Variants in ACOT12 observed in about 807,000 individuals in gnomAD.
The protein encoded by ACOT12 is acetyl-coenzyme A thioesterase.
A neutral mutation model predicts 67.7 loss-of-function variants in ACOT12; 51 were observed. That is an observed-to-expected ratio of 0.75 (90% confidence interval 0.60 to 0.95). The LOEUF (loss-of-function observed/expected upper bound fraction) is 0.95, where lower values mean the gene tolerates loss of function less well. Among genes scored for constraint, ACOT12 ranks in the 40% least tolerant of loss-of-function variants. ACOT12 has a pLI of 0.00. For missense variants in ACOT12, 734 were observed against 708.1 expected (o/e 1.04, Z -0.41); for synonymous variants, 251 against 244.6 (o/e 1.03, Z -0.24).
At chr5:81,309,219 G>A in the ACOT12 span, 4 of 465,860 alleles carry the variant, frequency 8.6e-6, no homozygotes, top group Admixed American at 3.9e-5. Flanking sequence ...GACTTCAGAT[G>A]TTAATAAAAC....
At chr5:81,343,243 AAAAC>A (rs773252770) in intron 10 of ACOT12, among the ~76,000 whole-genome samples, 4 of 152,088 alleles carry the variant, frequency 2.6e-5, no homozygotes, top group Non-Finnish European at 5.9e-5. Flanking sequence ...AAACGAAAAA[AAAAC>A]AAACAAAAGT....
chr5:81,326,527 C>G (rs1319826498), downstream of ACOT12, among the ~76,000 whole-genome samples: 5 of 152,196 alleles, frequency 3.3e-5, no homozygotes, highest in African/African-American at 1.2e-4. Flanking sequence ...CATGACACAG[C>G]AAGCAGCATA....
intron 1 of ACOT12, among the ~76,000 whole-genome samples, chr5:81,393,504 C>T (rs1194374713): frequency 6.6e-6 from 1 of 152,080 alleles, no homozygotes; most frequent in Non-Finnish European, 1.5e-5. Context: ...GCGTTTGAGA[C>T]CAGCCTGGGC....
intron 2 of ACOT12, among the ~76,000 whole-genome samples, chr5:81,382,116 G>A (rs1443855391): frequency 6.6e-6 from 1 of 152,026 alleles, no homozygotes; most frequent in East Asian, 1.9e-4. Context: ...CAGAGATATA[G>A]ACATAAAATC....
the ACOT12 span, among the ~76,000 whole-genome samples, chr5:81,320,547 A>G: frequency 6.6e-6 from 1 of 152,198 alleles, no homozygotes. Context: ...TGAGATCTTC[A>G]TTAAAAAATC....
Position 81,330,437 on chromosome 5 carries a change from A to G in ACOT12, c.1625T>C (p.Phe542Ser). Residue 542 changes from phenylalanine (F) to serine (S), a missense_variant, in exon 15 of 15, where the codon TTC becomes TCC. Phe to Ser is a radical substitution (Grantham distance 155, BLOSUM62 -2). Coordinates refer to ENST00000307624, the MANE Select transcript of ACOT12 (RefSeq NM_130767.3). ...CCCATCATCAGGAGGATTCTCTAAGAACTGTATACAAGAGGCTGCTGTTTC... is the reference window on the plus strand; with the variant it reads ...CCCATCATCAGGAGGATTCTCTAAGGACTGTATACAAGAGGCTGCTGTTTC... ...IEETAASCIQ[F>S]LENPPDDGFV... 1 of 1,614,138 alleles carries G rather than the reference A, an allele frequency of 6.2e-7. No homozygotes were observed. Among genetic ancestry groups the G allele is most frequent in the Non-Finnish European group, 8.5e-7 (1 of 1,179,984 alleles).
chr5:81,368,318 A>G (rs1221239450), intron 3 of ACOT12, among the ~76,000 whole-genome samples: 1 of 152,082 alleles, frequency 6.6e-6, no homozygotes, highest in African/African-American at 2.4e-5. Flanking sequence ...AATAATACAG[A>G]AGACTTGAAC....
At chr5:81,338,518 C>T (rs1353829091) in intron 11 of ACOT12, among the ~76,000 whole-genome samples, 1 of 152,194 alleles carries the variant, frequency 6.6e-6, no homozygotes, top group African/African-American at 2.4e-5. Flanking sequence ...CCTGAGGCCT[C>T]CCCAGCCATG....
chr5:81,332,479 A>G lies in ACOT12; in HGVS notation c.1389T>C (p.Asp463=). 1 of 1,613,912 alleles carries G rather than the reference A, an allele frequency of 6.2e-7. No individual in the cohort carries two copies. The highest frequency in any genetic ancestry group is 8.5e-7 in the Non-Finnish European group (1 of 1,179,922). Residue 463 remains aspartate (D), a splice_region_variant and synonymous_variant, in exon 13 of 15, where the codon GAT becomes GAC. Coordinates refer to ENST00000307624, the MANE Select transcript of ACOT12 (RefSeq NM_130767.3). ...ACACTTGGACTGCATATACTCACCC[A>G]TCTTTGAGGGGTTTTCTTCGTGATA... ...VLVSRRKPLK[D]GNTYTVAVKS...
At chr5:81,309,964 T>C in the ACOT12 span, among the ~76,000 whole-genome samples, 1 of 152,112 alleles carries the variant, frequency 6.6e-6, no homozygotes, top group African/African-American at 2.4e-5. Context: ...TGATGAATTA[T>C]GGTATTTGCC....
intron 1 of ACOT12, among the ~76,000 whole-genome samples, chr5:81,393,258 C>T (rs544412973): frequency 6.6e-6 from 1 of 152,314 alleles, no homozygotes; most frequent in South Asian, 2.1e-4. Context: ...CACCACTCCT[C>T]TCGCTACACT....
chr5:81,346,344 C>T (rs573006369), intron 6 of ACOT12, among the ~76,000 whole-genome samples: 10 of 152,254 alleles, frequency 6.6e-5, no homozygotes, highest in Admixed American at 3.9e-4. Flanking sequence ...ACTGTAGTCC[C>T]AAGAAGTTCT....
chr5:81,370,476 T>C (rs567110127), intron 3 of ACOT12, among the ~76,000 whole-genome samples: 7 of 152,336 alleles, frequency 4.6e-5, no homozygotes, highest in African/African-American at 1.7e-4. Flanking sequence ...GAGGCCAGAC[T>C]GCGGTGGGGC....
chr5:81,323,457 T>C, the ACOT12 span, among the ~76,000 whole-genome samples: 1 of 152,200 alleles, frequency 6.6e-6, no homozygotes, highest in East Asian at 1.9e-4. Context: ...GTTTTTCTCA[T>C]GACAGTGGCA....
chr5:81,341,873 T>G (rs1357898694), intron 11 of ACOT12, among the ~76,000 whole-genome samples: 2 of 152,312 alleles, frequency 1.3e-5, no homozygotes, highest in South Asian at 4.1e-4. Flanking sequence ...TATAATGTAC[T>G]TAGGGAAAGA....
chr5:81,318,213 A>G, the ACOT12 span, among the ~76,000 whole-genome samples: 1 of 152,144 alleles, frequency 6.6e-6, no homozygotes, highest in East Asian at 1.9e-4. Context: ...TTTTGTGTAT[A>G]TGACTGGAGG....
chr5:81,359,242 C>T (rs532191062), intron 5 of ACOT12, among the ~76,000 whole-genome samples: 36 of 152,254 alleles, frequency 2.4e-4, no homozygotes, highest in African/African-American at 8.7e-4. Context: ...TCTCCACCGG[C>T]ACCCCTTGGG....
intron 12 of ACOT12, among the ~76,000 whole-genome samples, chr5:81,333,526 G>A: frequency 6.6e-6 from 1 of 152,280 alleles, no homozygotes; most frequent in East Asian, 1.9e-4. Context: ...AAAGTTAGTT[G>A]GATTAGAATT....
intron 2 of ACOT12, among the ~76,000 whole-genome samples, chr5:81,376,481 A>G (rs1218408765): frequency 7.1e-6 from 1 of 140,802 alleles, no homozygotes; most frequent in Non-Finnish European, 1.5e-5. Context: ...ACAATAAATA[A>G]CTAAGATCAG....
Sources: allele counts gnomAD v4.1 joint callset (sites outside exome capture counted in the v4.1 genomes callset), GRCh38; gene constraint gnomAD v4.1.1; transcripts MANE v1.5; gene names NCBI Gene and HGNC (gene_info 2026-07-23, HGNC 2026-07-21).